Variants in EPB41 observed in about 807,000 individuals in gnomAD.
EPB41 encodes protein 4.1.
Under a neutral mutation model 108.0 loss-of-function variants are expected in EPB41, and 65 were observed. The observed-to-expected ratio is 0.60, with a 90% confidence interval of 0.49 to 0.74. EPB41 has a LOEUF of 0.74. EPB41 is among the 30% of genes least tolerant of loss of function. The pLI is 0.00. For missense variants in EPB41, 875 were observed against 1,037.0 expected (o/e 0.84, Z 2.15); for synonymous variants, 336 against 358.9 (o/e 0.94, Z 0.72).
chr1:29,029,074 G>A (rs551130389), intron 7 of EPB41, among the ~76,000 whole-genome samples: 13 of 151,202 alleles, frequency 8.6e-5, no homozygotes, highest in Non-Finnish European at 1.6e-4. Flanking sequence ...AATTCATCTC[G>A]TCAATAACAG....
intron 19 of EPB41, among the ~76,000 whole-genome samples, chr1:29,113,250 G>C (rs944546659): frequency 6.6e-6 from 1 of 152,228 alleles, no homozygotes; most frequent in South Asian, 2.1e-4. Flanking sequence ...GCAGAGAAGA[G>C]GGGGTGGAAG....
At chr1:29,108,528 C>G (rs1300584863) in intron 17 of EPB41, among the ~76,000 whole-genome samples, 4 of 151,906 alleles carry the variant, frequency 2.6e-5, no homozygotes, top group Non-Finnish European at 4.4e-5. Flanking sequence ...TTAGAAGGAA[C>G]TTTGTGCCCA....
At position 29,035,932 on chromosome 1, in the gene EPB41, C is replaced by A; in HGVS notation, c.1463+9C>A. 6.3e-7 allele frequency: 1 copy of A among 1,575,178 alleles called. No individual in the cohort carries two copies. Among genetic ancestry groups the A allele is most frequent in the Non-Finnish European group, 8.7e-7 (1 of 1,144,578 alleles). On this transcript the variant is annotated intron_variant, in intron 10 of 20. Transcript: ENST00000343067. ...CATCACACGTTTTTCAGGTATTATT[C>A]TCACTTAAGTATTTTTCAAGGATAA...
chr1:28,990,296 TTTCC>T (rs201526830), intron 2 of EPB41, among the ~76,000 whole-genome samples: 20 of 44,082 alleles, frequency 4.5e-4, no homozygotes, highest in East Asian at 3.1e-3. Flanking sequence ...GTTTTTCAAA[TTTCC>T]TTCCTTCCTT....
chr1:29,079,524 C>T (rs1655541823), intron 16 of EPB41, among the ~76,000 whole-genome samples: 1 of 151,686 alleles, frequency 6.6e-6, no homozygotes, highest in Admixed American at 6.6e-5. Flanking sequence ...GATTCTCCTG[C>T]CTCAGCTTCC....
chr1:28,899,471 C>T (rs374677710), intron 1 of EPB41, among the ~76,000 whole-genome samples: 3 of 152,198 alleles, frequency 2.0e-5, no homozygotes, highest in East Asian at 1.9e-4. Flanking sequence ...TAGCCCCACC[C>T]ATGACAGTTT....
rs2151788774 is a variant in EPB41 at position 29,117,943 on chromosome 1, C to CA, written c.*1133dup. ...GTTCTCCCCACAAGACACCACATGA[C>CA]AAGGGGTATAAGCCCCAGCCCTGCT... On this transcript the variant is annotated 3_prime_UTR_variant, in exon 21 of 21. Transcript: ENST00000343067. 1 of 152,622 alleles carries CA rather than the reference C, an allele frequency of 6.6e-6. No homozygotes were observed. The highest frequency in any genetic ancestry group is 6.5e-5 in the Admixed American group (1 of 15,294). 9.5% of individuals were successfully genotyped at this position (152,622 alleles called of 1,614,324 possible). A position where few individuals can be genotyped will look rare whatever the true frequency, so the allele number is the denominator to read the frequency against.
chr1:29,042,224 C>T (rs540679566), intron 11 of EPB41, among the ~76,000 whole-genome samples: 1 of 152,166 alleles, frequency 6.6e-6, no homozygotes, highest in African/African-American at 2.4e-5. Flanking sequence ...ATAGTTTAGT[C>T]ATCTCTTGTG....
intron 20 of EPB41, among the ~76,000 whole-genome samples, chr1:29,116,123 C>T (rs1196237096): frequency 6.7e-6 from 1 of 150,120 alleles, no homozygotes; most frequent in Non-Finnish European, 1.5e-5. Context: ...CTCTCTACTG[C>T]TCTGCTTGCT....
chr1:29,005,539 C>T (rs2096385337), intron 4 of EPB41, among the ~76,000 whole-genome samples: 1 of 152,176 alleles, frequency 6.6e-6, no homozygotes, highest in Non-Finnish European at 1.5e-5. Context: ...CATTCATAAA[C>T]ATTTATTATT....
chr1:29,010,883 C>T (rs1229735867), intron 4 of EPB41, among the ~76,000 whole-genome samples: 6 of 152,050 alleles, frequency 3.9e-5, no homozygotes, highest in African/African-American at 7.2e-5. Flanking sequence ...GAGGCCGAGC[C>T]GGGCAGATCA....
At chr1:29,013,834 GT>G (rs537368192) in intron 5 of EPB41, among the ~76,000 whole-genome samples, 166 of 131,818 alleles carry the variant, frequency 1.3e-3, no homozygotes, top group Middle Eastern at 4.1e-3. Context: ...CAGCCCTTAA[GT>G]TTTTTTTTTT....
intron 5 of EPB41, 22 bp from the exon 6 acceptor site, chr1:29,015,670 T>A: frequency 6.8e-7 from 1 of 1,472,518 alleles, no homozygotes; most frequent in Non-Finnish European, 9.5e-7. Context: ...AACGTAAAAT[T>A]CTTTTGTGTT....
At chr1:29,082,512 C>T (rs896863352) in intron 16 of EPB41, among the ~76,000 whole-genome samples, 13 of 152,106 alleles carry the variant, frequency 8.5e-5, no homozygotes, top group Non-Finnish European at 1.5e-4. Context: ...CTGTGAAATC[C>T]AGCCAAACAA....
intron 12 of EPB41, 30 bp from the exon 13 acceptor site, chr1:29,058,552 CTAAAATG>C: frequency 6.3e-7 from 1 of 1,589,436 alleles, no homozygotes; most frequent in Non-Finnish European, 8.6e-7. Flanking sequence ...ACCTACTAAC[CTAAAATG>C]TTTTTACTAC....
At chr1:29,051,882 G>A (rs1336485253) in intron 11 of EPB41, among the ~76,000 whole-genome samples, 1 of 133,254 alleles carries the variant, frequency 7.5e-6, no homozygotes, top group Non-Finnish European at 1.6e-5. Flanking sequence ...TAGGCGACAG[G>A]GCAAGACTCC....
At chr1:29,096,024 T>G in intron 16 of EPB41, 9 of 433,534 alleles carry the variant, frequency 2.1e-5, no homozygotes, top group Non-Finnish European at 2.8e-5. Flanking sequence ...GACCATGTTA[T>G]CAGCTAAGAT....
rs578195545 is a variant in EPB41 at position 29,034,932 on chromosome 1, T to C, written c.1366-894T>C. 2.6e-5 allele frequency among the ~76,000 whole-genome samples: 4 copies of C among 151,822 alleles called. No individual in the cohort carries two copies. In the East Asian group the frequency reaches 7.7e-4, roughly 29 times the overall value. The stretch of plus-strand genomic sequence containing the variant: ...TATGTTAATCAGCTCAATTTAGCCA[T>C]TTCACAATGTATACGTGTTTCTTGG... On this transcript the variant is annotated intron_variant, in intron 9 of 20. Coordinates refer to ENST00000343067, the MANE Select transcript of EPB41 (RefSeq NM_001376013.1).
rs182542991 is a variant in EPB41, at chr1:29,018,357, G to A, written c.1039G>A (p.Val347Met). The A allele has an allele frequency of 8.5e-5, 137 of 1,614,124 alleles. No homozygotes were observed. Among genetic ancestry groups the A allele is most frequent in the East Asian group, 7.6e-4 (34 of 44,878 alleles). The change falls in exon 7 of 21, where the codon GTG becomes ATG. Residue 347 changes from valine to methionine, a missense_variant. By Grantham distance (21) the Val-to-Met change is conservative (BLOSUM62 1). Coordinates refer to ENST00000343067, the MANE Select transcript of EPB41 (RefSeq NM_001376013.1). The surrounding 1 kb of genome is among the most constrained non-coding windows in gnomAD (Gnocchi z 4.4). ...LGDYDPELHG[V>M]DYVSDFKLAP... ...AGACTACGACCCAGAACTCCATGGC[G>A]TGGATTATGTTAGTGATTTTAAACT...
Sources: allele counts gnomAD v4.1 joint callset (sites outside exome capture counted in the v4.1 genomes callset), GRCh38; gene constraint gnomAD v4.1.1; non-coding constraint Gnocchi (gnomAD v3.1); transcripts MANE v1.5; gene names NCBI Gene and HGNC (gene_info 2026-07-23, HGNC 2026-07-21).